Variants in GRID2 observed in about 807,000 individuals in gnomAD.
GRID2 encodes glutamate receptor ionotropic, delta-2.
A neutral mutation model predicts 114.8 loss-of-function variants in GRID2; 33 were observed. The observed-to-expected ratio is 0.29, with a 90% CI of 0.22 to 0.38. The LOEUF is 0.38. GRID2 is among the 10% of genes least tolerant of loss of function. The probability of loss-of-function intolerance (pLI) is 1.00; values close to 1 mark genes in which losing one functional copy is unlikely to be tolerated. For missense variants in GRID2, 1,184 were observed against 1,257.7 expected, an observed-to-expected ratio of 0.94 and a Z score of 0.89; for synonymous variants, 505 against 449.9, an observed-to-expected ratio of 1.12 and a Z score of -1.55.
At chr4:92,952,955 C>T (rs1005806417) in intron 2 of GRID2, among the ~76,000 whole-genome samples, 2 of 152,166 alleles carry the variant, frequency 1.3e-5, no homozygotes, top group African/African-American at 4.8e-5. Flanking sequence ...ATCTTTGCCA[C>T]TTCCTAGCTT....
intron 14 of GRID2, among the ~76,000 whole-genome samples, chr4:93,734,567 C>A (rs1730766407): frequency 6.6e-6 from 1 of 151,794 alleles, no homozygotes; most frequent in African/African-American, 2.4e-5. Flanking sequence ...GTTAGCATAT[C>A]AAAAAATGAT....
intron 4 of GRID2, among the ~76,000 whole-genome samples, chr4:93,131,527 AATTAT>A (rs1734801107): frequency 6.6e-6 from 1 of 151,740 alleles, no homozygotes; most frequent in Non-Finnish European, 1.5e-5. Context: ...ATAACTAGTA[AATTAT>A]ATTTATTTAT....
chr4:93,345,175 A>G (rs919578466), intron 8 of GRID2, among the ~76,000 whole-genome samples: 1 of 152,222 alleles, frequency 6.6e-6, no homozygotes, highest in East Asian at 1.9e-4. Flanking sequence ...TATACTCAGA[A>G]GTAGGATTGC....
chr4:93,764,850 A>C (rs1426006536), intron 14 of GRID2, among the ~76,000 whole-genome samples: 1 of 152,206 alleles, frequency 6.6e-6, no homozygotes, highest in African/African-American at 2.4e-5. Flanking sequence ...CACGCCAAAC[A>C]GAACATTATT....
chr4:93,622,766 A>G (rs1742326641), intron 13 of GRID2, among the ~76,000 whole-genome samples: 1 of 152,214 alleles, frequency 6.6e-6, no homozygotes, highest in Non-Finnish European at 1.5e-5. Flanking sequence ...ATTGTTTCAT[A>G]CAAAACTTTT....
intron 2 of GRID2, among the ~76,000 whole-genome samples, chr4:93,055,899 C>A (rs1727186615): frequency 6.6e-6 from 1 of 151,864 alleles, no homozygotes; most frequent in Non-Finnish European, 1.5e-5. Context: ...AAACTCCTTT[C>A]CAATAGTATT....
At chr4:93,108,623 TA>T (rs1376703540) in intron 3 of GRID2, among the ~76,000 whole-genome samples, 5 of 129,554 alleles carry the variant, frequency 3.9e-5, no homozygotes, top group Non-Finnish European at 8.6e-5. Context: ...CTCTGACATG[TA>T]TTTTTTTTTT....
At chr4:93,011,978 C>A (rs2149232827) in intron 2 of GRID2, among the ~76,000 whole-genome samples, 1 of 151,284 alleles carries the variant, frequency 6.6e-6, no homozygotes, top group African/African-American at 2.4e-5. Flanking sequence ...TACCCCATCC[C>A]TAAATGAGAC....
chr4:93,248,640 C>T (rs2149527430), intron 8 of GRID2, among the ~76,000 whole-genome samples: 1 of 152,216 alleles, frequency 6.6e-6, no homozygotes, highest in East Asian at 1.9e-4. Context: ...TCTCTTTTAG[C>T]AGTAACTAGG....
At chr4:92,540,329 CA>C in intron 1 of GRID2, among the ~76,000 whole-genome samples, 1 of 152,148 alleles carries the variant, frequency 6.6e-6, no homozygotes, top group South Asian at 2.1e-4. Context: ...TTCTGCACAG[CA>C]AAAGAAACTA....
At chr4:92,539,923 G>A (rs1213103589) in intron 1 of GRID2, among the ~76,000 whole-genome samples, 3 of 152,082 alleles carry the variant, frequency 2.0e-5, no homozygotes, top group African/African-American at 4.8e-5. Context: ...AACCAAAACA[G>A]CATGGTACTG....
At chr4:93,207,379 A>G (rs1382353360) in intron 4 of GRID2, 25 bp from the exon 5 acceptor site, 1 of 1,536,020 alleles carries the variant, frequency 6.5e-7, no homozygotes, top group Non-Finnish European at 9.0e-7. Flanking sequence ...ATTTTGACTG[A>G]TAGCTGATTT....
intron 14 of GRID2, among the ~76,000 whole-genome samples, chr4:93,694,346 G>T (rs547971613): frequency 6.6e-6 from 1 of 152,018 alleles, no homozygotes; most frequent in Non-Finnish European, 1.5e-5. Flanking sequence ...TATTATCAAG[G>T]TCTCATTTAG....
chr4:93,455,060 C>A (rs1049519980), intron 10 of GRID2, among the ~76,000 whole-genome samples: 1 of 152,036 alleles, frequency 6.6e-6, no homozygotes, highest in Admixed American at 6.6e-5. Context: ...TTTCCTTAAT[C>A]ATTACTTTTT....
intron 1 of GRID2, among the ~76,000 whole-genome samples, chr4:92,333,812 A>C (rs1015793215): frequency 9.2e-5 from 14 of 152,088 alleles, no homozygotes; most frequent in Non-Finnish European, 1.8e-4. Context: ...ATTGATTAGC[A>C]TCAAATTCCT....
intron 7 of GRID2, among the ~76,000 whole-genome samples, chr4:93,231,831 G>T (rs900712139): frequency 6.6e-6 from 1 of 152,094 alleles, no homozygotes; most frequent in Non-Finnish European, 1.5e-5. Context: ...TGCTCTCTCA[G>T]TAGCACTTCA....
intron 14 of GRID2, among the ~76,000 whole-genome samples, chr4:93,694,451 G>C (rs1490381814): frequency 6.6e-6 from 1 of 152,162 alleles, no homozygotes; most frequent in African/African-American, 2.4e-5. Flanking sequence ...CTACTGTCAT[G>C]TATAGGCCTC....
At chr4:93,126,022 C>T (rs530102821) in intron 4 of GRID2, among the ~76,000 whole-genome samples, 72 of 152,146 alleles carry the variant, frequency 4.7e-4, no homozygotes, top group Middle Eastern at 3.2e-3. Flanking sequence ...AATTGTGAGA[C>T]GTACATCTAC....
At chr4:93,208,431 C>G (rs1425991295) in intron 5 of GRID2, among the ~76,000 whole-genome samples, 1 of 151,890 alleles carries the variant, frequency 6.6e-6, no homozygotes, top group Non-Finnish European at 1.5e-5. Context: ...GTGCTCTTAA[C>G]ACAGTGCTTG....
Sources: gnomAD v4.1 joint callset for allele counts (sites outside exome capture counted in the v4.1 genomes callset) on GRCh38, gnomAD v4.1.1 for gene constraint, MANE v1.5 for transcripts, NCBI Gene and HGNC (gene_info 2026-07-23, HGNC 2026-07-21) for gene names.